Variants in CAST observed in about 807,000 individuals in gnomAD.
CAST encodes MIR583 host.
Under a neutral mutation model 119.6 loss-of-function variants are expected in CAST, and 76 were observed. The observed-to-expected ratio is 0.64, with a 90% CI of 0.53 to 0.77. The LOEUF (loss-of-function observed/expected upper bound fraction) is 0.77. CAST is among the 30% of genes least tolerant of loss of function. The pLI, the probability that CAST is intolerant of heterozygous loss-of-function variation, is 0.00. For synonymous variants in CAST, 319 were observed against 331.6 expected (o/e 0.96, Z 0.41); for missense variants, 953 against 946.5 (o/e 1.01, Z -0.09).
chr5:96,695,709 T>C (rs1190928683), intron 2 of CAST, 127 bp from the exon 3 acceptor site: 1 of 551,872 alleles, frequency 1.8e-6, no homozygotes, highest in African/African-American at 1.9e-5. Context: ...TATGTTTACT[T>C]TGGGTGTGTT....
At chr5:96,212,986 G>A in the CAST span, among the ~76,000 whole-genome samples, 1 of 152,122 alleles carries the variant, frequency 6.6e-6, no homozygotes, top group Non-Finnish European at 1.5e-5. Context: ...GGGCATGGTG[G>A]TGCACACCCG....
At chr5:96,699,109 A>G (rs1232237460) in intron 3 of CAST, among the ~76,000 whole-genome samples, 1 of 152,228 alleles carries the variant, frequency 6.6e-6, no homozygotes, top group East Asian at 1.9e-4. Flanking sequence ...TTAAAATTTA[A>G]TTTTTGGTAA....
At chr5:96,524,643 A>G (rs1745570725), upstream of CAST, among the ~76,000 whole-genome samples, 1 of 152,320 alleles carries the variant, frequency 6.6e-6, no homozygotes, top group South Asian at 2.1e-4. Context: ...CTCAGAGAGC[A>G]TGAGCAAGGG....
the CAST span, among the ~76,000 whole-genome samples, chr5:96,477,306 G>GCA: frequency 2.8e-3 from 406 of 145,334 alleles, 4 homozygotes; most frequent in South Asian, 0.018. Context: ...ACGCACGCGT[G>GCA]CACACACACA....
At chr5:96,446,045 C>G in the CAST span, among the ~76,000 whole-genome samples, 1 of 152,036 alleles carries the variant, frequency 6.6e-6, no homozygotes, top group African/African-American at 2.4e-5. Flanking sequence ...GACGGAGTCT[C>G]CCTATGTTAC....
At chr5:96,090,947 T>A in the CAST span, among the ~76,000 whole-genome samples, 1 of 152,090 alleles carries the variant, frequency 6.6e-6, no homozygotes, top group Non-Finnish European at 1.5e-5. Context: ...AGAGACCAGA[T>A]GCCCATCCAT....
chr5:96,769,221 G>A (rs1771223558), intron 29 of CAST: 1 of 152,100 alleles, frequency 6.6e-6, no homozygotes, highest in South Asian at 2.1e-4. Flanking sequence ...CTTCCATACT[G>A]GGTAGCTTAA....
the CAST span, chr5:96,392,143 T>A: frequency 6.6e-6 from 1 of 151,908 alleles, no homozygotes; most frequent in African/African-American, 2.4e-5. Context: ...AAAAAAATTG[T>A]GACTAGGAAT....
chr5:96,511,426 G>A, the CAST span, among the ~76,000 whole-genome samples: 16 of 135,350 alleles, frequency 1.2e-4, no homozygotes, highest in Admixed American at 1.1e-3. Context: ...ACAGGCGTGA[G>A]CCACTGCACC....
At chr5:96,393,077 T>C in the CAST span, 13 of 1,613,998 alleles carry the variant, frequency 8.1e-6, no homozygotes, top group Non-Finnish European at 1.0e-5. Flanking sequence ...TTTAGTGTTA[T>C]AAAAAACATC....
chr5:96,620,613 G>A (rs747009409), intron 1 of CAST, among the ~76,000 whole-genome samples: 8 of 152,070 alleles, frequency 5.3e-5, no homozygotes, highest in Non-Finnish European at 1.0e-4. Flanking sequence ...AGTAGGTTAG[G>A]TGTATTAAAT....
chr5:96,397,438 T>A, the CAST span: 1 of 1,613,206 alleles, frequency 6.2e-7, no homozygotes. Context: ...ATGTATCCCG[T>A]TCTCTTTCAG....
chr5:96,768,867 T>C (rs1206736496), intron 29 of CAST: 2 of 157,284 alleles, frequency 1.3e-5, no homozygotes, highest in African/African-American at 4.8e-5. Flanking sequence ...CTCTCTTCCA[T>C]GCCCTCCTTG....
chr5:96,448,120 C>A, the CAST span, among the ~76,000 whole-genome samples: 33 of 152,220 alleles, frequency 2.2e-4, 1 homozygote, highest in East Asian at 1.7e-3. Flanking sequence ...AACTGAAATG[C>A]CCTTACAAAG....
chr5:96,177,902 G>C, the CAST span, among the ~76,000 whole-genome samples: 3 of 152,170 alleles, frequency 2.0e-5, no homozygotes, highest in Non-Finnish European at 4.4e-5. Context: ...AAATCTTCCT[G>C]TAATTTTGAA....
the CAST span, among the ~76,000 whole-genome samples, chr5:96,041,683 C>T: frequency 6.6e-6 from 1 of 151,748 alleles, no homozygotes; most frequent in African/African-American, 2.4e-5. Context: ...GTACTATGGC[C>T]TAATTTTTTT....
At chr5:96,395,518 C>A in the CAST span, among the ~76,000 whole-genome samples, 1 of 152,180 alleles carries the variant, frequency 6.6e-6, no homozygotes, top group African/African-American at 2.4e-5. Context: ...TGGAAACCAT[C>A]ATTCTCAGCA....
At chr5:96,433,915 C>A in the CAST span, among the ~76,000 whole-genome samples, 1 of 152,142 alleles carries the variant, frequency 6.6e-6, no homozygotes, top group Non-Finnish European at 1.5e-5. Context: ...GCAAAGCCAG[C>A]GCCACCACCA....
chr5:96,618,477 G>C (rs541288625), intron 1 of CAST, among the ~76,000 whole-genome samples: 1 of 152,366 alleles, frequency 6.6e-6, no homozygotes, highest in African/African-American at 2.4e-5. Context: ...GCTGAGGCTG[G>C]AGCCAGCACC....
Sources: gnomAD v4.1 joint callset for allele counts (sites outside exome capture counted in the v4.1 genomes callset) on GRCh38, gnomAD v4.1.1 for gene constraint, MANE v1.5 for transcripts, NCBI Gene and HGNC (gene_info 2026-07-23, HGNC 2026-07-21) for gene names.